Variants in TEX9 observed in about 807,000 individuals in gnomAD.
TEX9 encodes the protein testis expressed 9, also known as testis-expressed protein 9.
A neutral mutation model predicts 59.6 loss-of-function variants in TEX9; 74 were observed. That is an observed-to-expected ratio of 1.24 (90% CI 1.03 to 1.51). The LOEUF (loss-of-function observed/expected upper bound fraction) is 1.51, where lower values mean the gene tolerates loss of function less well. TEX9 is among the 40% of genes most tolerant of loss of function. The pLI is 0.00. For missense variants in TEX9, 522 were observed against 447.8 expected (o/e 1.17, Z -1.49); for synonymous variants, 186 against 152.2 (o/e 1.22, Z -1.64).
intron 1 of TEX9, among the ~76,000 whole-genome samples, chr15:56,280,284 C>T (rs950785041): frequency 1.3e-5 from 2 of 152,132 alleles, no homozygotes; most frequent in Non-Finnish European, 2.9e-5. Context: ...CAGCCATGAT[C>T]GCTGATGACA....
At chr15:56,300,285 G>A (rs976299187) in intron 1 of TEX9, among the ~76,000 whole-genome samples, 1 of 151,728 alleles carries the variant, frequency 6.6e-6, no homozygotes, top group Non-Finnish European at 1.5e-5. Context: ...CTACTTGAGG[G>A]AAGGAGAGGG....
chr15:56,295,045 A>C (rs2045185658), intron 1 of TEX9, among the ~76,000 whole-genome samples: 1 of 152,074 alleles, frequency 6.6e-6, no homozygotes, highest in African/African-American at 2.4e-5. Context: ...ATATAAATAT[A>C]CTTTTTTCCT....
intron 1 of TEX9, among the ~76,000 whole-genome samples, chr15:56,340,745 C>G (rs964782932): frequency 6.6e-6 from 1 of 152,148 alleles, no homozygotes; most frequent in African/African-American, 2.4e-5. Flanking sequence ...CTTTATCAGA[C>G]CTGCCTCTCC....
exon 13 of TEX9, chr15:56,445,762 A>G (rs1416966538): frequency 1.3e-5 from 2 of 152,028 alleles, no homozygotes; most frequent in African/African-American, 2.4e-5. Context: ...CATTTTGTGG[A>G]TCAATTTTTA....
chr15:56,258,831 C>T (rs1437949019), intron 1 of TEX9, among the ~76,000 whole-genome samples: 1 of 150,544 alleles, frequency 6.6e-6, no homozygotes, highest in East Asian at 1.9e-4. Context: ...TTGCCTTTTT[C>T]TTATTGATTT....
At chr15:56,337,032 A>G (rs2046270080) in intron 1 of TEX9, among the ~76,000 whole-genome samples, 1 of 152,152 alleles carries the variant, frequency 6.6e-6, no homozygotes. Flanking sequence ...TACAGCTTGT[A>G]TCCTCTTGCT....
chr15:56,287,119 G>A (rs762834671), intron 1 of TEX9, among the ~76,000 whole-genome samples: 3 of 152,126 alleles, frequency 2.0e-5, no homozygotes, highest in Non-Finnish European at 2.9e-5. Flanking sequence ...TAAACGTTAT[G>A]TCAATAGGAG....
At chr15:56,444,422 A>C (rs2050871914) in intron 12 of TEX9, 1 of 1,582,950 alleles carries the variant, frequency 6.3e-7, no homozygotes, top group African/African-American at 1.4e-5. Context: ...TTAGACATGT[A>C]AGAAAGTTAG....
At chr15:56,457,175 A>G in the TEX9 span, among the ~76,000 whole-genome samples, 1 of 152,208 alleles carries the variant, frequency 6.6e-6, no homozygotes, top group Admixed American at 6.5e-5. Flanking sequence ...TATAGAAATT[A>G]GGACATACAT....
Position 56,314,039 on chromosome 15 carries a change from T to C in TEX9, c.-106-59402T>C, listed in dbSNP as rs1406939166. Among the ~76,000 whole-genome samples the C allele has an allele frequency of 5.0e-4, 25 of 49,818 alleles. 4 individuals carry two copies. Among genetic ancestry groups the C allele is most frequent in the African/African-American group, 1.3e-3 (25 of 19,370 alleles). The allele number at this position is 49,818 out of a possible 152,430, so 32.7% of individuals were successfully genotyped here. On this transcript the variant is annotated intron_variant, in intron 1 of 5. Transcript: ENST00000560827. ...ATTGCGTCCATTTGATTCTTCTCTC[T>C]TTTTTTCTTTATTAGTCTTGCTAGC...
At chr15:56,350,557 T>C (rs2141873617) in intron 1 of TEX9, among the ~76,000 whole-genome samples, 1 of 152,342 alleles carries the variant, frequency 6.6e-6, no homozygotes, top group African/African-American at 2.4e-5. Context: ...CACCAACTAA[T>C]TTCAGATTCT....
At chr15:56,274,267 A>G (rs1393361395) in intron 1 of TEX9, among the ~76,000 whole-genome samples, 1 of 152,160 alleles carries the variant, frequency 6.6e-6, no homozygotes, top group Non-Finnish European at 1.5e-5. Flanking sequence ...GAGTGCATTG[A>G]AAGTAATCTT....
intron 3 of TEX9, among the ~76,000 whole-genome samples, chr15:56,375,203 C>T (rs939158792): frequency 5.3e-5 from 8 of 152,120 alleles, no homozygotes; most frequent in Admixed American, 1.3e-4. Flanking sequence ...TAATGATTGC[C>T]ATTCTAACTG....
chr15:56,366,018 A>G (rs2046924581), intron 2 of TEX9: 1 of 601,376 alleles, frequency 1.7e-6, no homozygotes, highest in Non-Finnish European at 2.2e-6. Flanking sequence ...ATTTCGCTTA[A>G]TATCAAGTTC....
At chr15:56,435,477 TA>T (rs1299157168) in intron 12 of TEX9, among the ~76,000 whole-genome samples, 1 of 151,510 alleles carries the variant, frequency 6.6e-6, no homozygotes, top group Non-Finnish European at 1.5e-5. Flanking sequence ...ATATCAGGAA[TA>T]AAACATAGGA....
exon 9 of TEX9, chr15:56,394,777 C>T (rs1567120255): frequency 6.8e-6 from 11 of 1,612,884 alleles, no homozygotes; most frequent in Non-Finnish European, 8.5e-6. Flanking sequence ...AAACTCTTTT[C>T]GAAGAAGCAA....
At chr15:56,356,770 T>G (rs557520947) in intron 1 of TEX9, among the ~76,000 whole-genome samples, 2 of 152,280 alleles carry the variant, frequency 1.3e-5, no homozygotes, top group South Asian at 4.1e-4. Flanking sequence ...CTTGAGCCTG[T>G]CTAGCTGTTT....
chr15:56,315,427 T>C (rs181348976), intron 1 of TEX9, among the ~76,000 whole-genome samples: 1,963 of 149,676 alleles, frequency 0.013, 79 homozygotes, highest in Non-Finnish European at 0.02. Flanking sequence ...TTTGGCTGGA[T>C]ATGAAATTCT....
chr15:56,361,356 A>G (rs1358315990), upstream of TEX9, among the ~76,000 whole-genome samples: 1 of 152,214 alleles, frequency 6.6e-6, no homozygotes, highest in Middle Eastern at 3.2e-3. Context: ...CACTCCAAGC[A>G]CTGCTTTCAT....
Sources: gnomAD v4.1 joint callset for allele counts (sites outside exome capture counted in the v4.1 genomes callset) on GRCh38, gnomAD v4.1.1 for gene constraint, MANE v1.5 for transcripts, NCBI Gene and HGNC (gene_info 2026-07-23, HGNC 2026-07-21) for gene names.